Variants in DAB1 observed in about 807,000 individuals in gnomAD.
The protein encoded by DAB1 is disabled homolog 1.
Under a neutral mutation model 64.6 loss-of-function variants are expected in DAB1, and 15 were observed. The ratio of observed to expected loss-of-function variants is 0.23; its 90% CI spans 0.16 to 0.36. The LOEUF (loss-of-function observed/expected upper bound fraction) is 0.36. Among genes scored for constraint, DAB1 ranks in the 10% least tolerant of loss-of-function variants. The pLI, the probability that DAB1 is intolerant of heterozygous loss-of-function variation, is 1.00. For missense variants in DAB1, 596 were observed against 706.7 expected, an observed-to-expected ratio of 0.84 and a Z score of 1.78; for synonymous variants, 235 against 251.9, an observed-to-expected ratio of 0.93 and a Z score of 0.64.
At chr1:57,183,725 T>C (rs1253714366) in intron 2 of DAB1, among the ~76,000 whole-genome samples, 1 of 152,202 alleles carries the variant, frequency 6.6e-6, no homozygotes, top group East Asian at 1.9e-4. Flanking sequence ...TATGGGAAAG[T>C]AATTTTTAAA....
intron 6 of DAB1, among the ~76,000 whole-genome samples, chr1:57,685,385 C>A (rs1278110964): frequency 1.3e-5 from 2 of 152,070 alleles, no homozygotes; most frequent in Non-Finnish European, 2.9e-5. Context: ...TACATGCACT[C>A]AACGATTGGA....
intron 3 of DAB1, among the ~76,000 whole-genome samples, chr1:58,457,593 T>G (rs1645204159): frequency 6.6e-6 from 1 of 152,202 alleles, no homozygotes. Flanking sequence ...TGTGTTGGCT[T>G]GAAAAATAAC....
At chr1:58,133,173 C>A (rs148897624) in intron 5 of DAB1, among the ~76,000 whole-genome samples, 1 of 152,180 alleles carries the variant, frequency 6.6e-6, no homozygotes, top group African/African-American at 2.4e-5. Flanking sequence ...GGTTGCACAA[C>A]GACTTTTTTA....
At chr1:57,601,278 T>C (rs1340194218) in intron 7 of DAB1, among the ~76,000 whole-genome samples, 1 of 152,196 alleles carries the variant, frequency 6.6e-6, no homozygotes, top group African/African-American at 2.4e-5. Flanking sequence ...TCAGCTTCTT[T>C]ATTTGAAAAA....
At chr1:57,985,669 G>A (rs1646198695) in intron 5 of DAB1, among the ~76,000 whole-genome samples, 5 of 151,882 alleles carry the variant, frequency 3.3e-5, no homozygotes, top group Admixed American at 3.3e-4. Flanking sequence ...ATGGCTGTGA[G>A]TATTAGCCAC....
chr1:57,160,729 A>G (rs545124447), intron 2 of DAB1, among the ~76,000 whole-genome samples: 1 of 152,326 alleles, frequency 6.6e-6, no homozygotes, highest in African/African-American at 2.4e-5. Flanking sequence ...TGGTGTTGCC[A>G]TTCAGGATCT....
intron 4 of DAB1, among the ~76,000 whole-genome samples, chr1:57,086,670 C>CACACAG (rs1653110131): frequency 6.7e-6 from 1 of 150,360 alleles, no homozygotes; most frequent in Non-Finnish European, 1.5e-5. Flanking sequence ...CACACACACA[C>CACACAG]ACACACACAC....
intron 7 of DAB1, among the ~76,000 whole-genome samples, chr1:57,434,338 T>C (rs1211106391): frequency 1.3e-5 from 2 of 152,164 alleles, no homozygotes; most frequent in African/African-American, 4.8e-5. Flanking sequence ...TGCAGCAATA[T>C]GGACAAATCT....
chr1:58,114,059 C>G (rs1192978583), intron 5 of DAB1, among the ~76,000 whole-genome samples: 1 of 135,978 alleles, frequency 7.4e-6, no homozygotes. Flanking sequence ...CCAGCCTGGC[C>G]AACAGAGTGA....
chr1:57,368,260 G>T (rs1680222331), intron 1 of DAB1, among the ~76,000 whole-genome samples: 1 of 152,222 alleles, frequency 6.6e-6, no homozygotes, highest in African/African-American at 2.4e-5. Flanking sequence ...TACAGCCTGG[G>T]TGCCATGAAC....
chr1:57,971,833 T>G (rs1474775505), intron 5 of DAB1, among the ~76,000 whole-genome samples: 1 of 152,208 alleles, frequency 6.6e-6, no homozygotes, highest in Non-Finnish European at 1.5e-5. Context: ...TCTTTCATTA[T>G]GTACCAATAA....
chr1:57,240,471 A>G (rs1006788665), intron 2 of DAB1, among the ~76,000 whole-genome samples: 18 of 152,204 alleles, frequency 1.2e-4, no homozygotes, highest in African/African-American at 4.3e-4. Flanking sequence ...CATCATCCAT[A>G]TACGTCTAGA....
chr1:57,578,698 T>C (rs1324617239), intron 7 of DAB1, among the ~76,000 whole-genome samples: 2 of 152,222 alleles, frequency 1.3e-5, no homozygotes, highest in Non-Finnish European at 2.9e-5. Flanking sequence ...ATTAGAGATA[T>C]AGATAAGTAG....
chr1:57,138,053 G>A, intron 3 of DAB1, among the ~76,000 whole-genome samples: 1 of 152,068 alleles, frequency 6.6e-6, no homozygotes, highest in African/African-American at 2.4e-5. Flanking sequence ...CTAGCACAAT[G>A]CCTGGTATAC....
chr1:58,515,611 C>G (rs1005762228), intron 2 of DAB1, among the ~76,000 whole-genome samples: 2 of 152,038 alleles, frequency 1.3e-5, no homozygotes, highest in African/African-American at 4.8e-5. Context: ...TACAACATAC[C>G]TATTAAATAA....
intron 3 of DAB1, among the ~76,000 whole-genome samples, chr1:57,144,869 T>A (rs1021512462): frequency 3.5e-4 from 54 of 152,298 alleles, no homozygotes; most frequent in African/African-American, 1.3e-3. Context: ...TTGTAGAAAC[T>A]GTAAGAATGA....
chr1:57,446,795 G>A (rs1341810092), intron 7 of DAB1, among the ~76,000 whole-genome samples: 2 of 152,232 alleles, frequency 1.3e-5, no homozygotes, highest in Admixed American at 6.5e-5. Context: ...TGGCAGGAAG[G>A]AGAACAAGGG....
chr1:57,099,408 G>A (rs554470563), intron 4 of DAB1, among the ~76,000 whole-genome samples: 21 of 152,344 alleles, frequency 1.4e-4, no homozygotes, highest in Admixed American at 7.2e-4. Flanking sequence ...TGTAGGGGTA[G>A]CAGTAAGTAG....
chr1:57,813,199 A>G (rs932252251), intron 6 of DAB1, among the ~76,000 whole-genome samples: 1 of 152,350 alleles, frequency 6.6e-6, no homozygotes, highest in South Asian at 2.1e-4. Context: ...CATTATGTTC[A>G]GGTGAAATAT....
Sources: gnomAD v4.1 joint callset for allele counts (sites outside exome capture counted in the v4.1 genomes callset) on GRCh38, gnomAD v4.1.1 for gene constraint, MANE v1.5 for transcripts, NCBI Gene and HGNC (gene_info 2026-07-23, HGNC 2026-07-21) for gene names.